Variants in ECH1 observed in about 807,000 individuals in gnomAD.
The protein encoded by ECH1 is delta(3,5)-Delta(2,4)-dienoyl-CoA isomerase, mitochondrial.
In ECH1, 30 loss-of-function variants were observed where a neutral mutation model predicts 37.0. That is an observed-to-expected ratio of 0.81 (90% CI 0.61 to 1.10). ECH1 has a LOEUF of 1.10. Among genes scored for constraint, ECH1 ranks in the 50% least tolerant of loss-of-function variants. ECH1 has a pLI of 0.00. For synonymous variants in ECH1, 178 were observed against 176.0 expected, an observed-to-expected ratio of 1.01 and a Z score of -0.09; for missense variants, 456 against 441.6, an observed-to-expected ratio of 1.03 and a Z score of -0.29.
Position 38,815,468 on chromosome 19 carries a change from G to T in ECH1, c.*145C>A. The T allele has an allele frequency of 1.3e-6, 1 of 744,688 alleles. No individual in the cohort carries two copies. The highest frequency in any genetic ancestry group is 2.2e-6 in the Non-Finnish European group (1 of 451,218). 46.1% of individuals were successfully genotyped at this position (744,688 alleles called of 1,614,324 possible). A position where few individuals can be genotyped will look rare whatever the true frequency, so the allele number is the denominator to read the frequency against. Reference sequence around the variant, plus strand: ...TTGTGGGGTGAAGATAAGGCCTTGGGCTTGAGAAACTCATTGTCATAAAGT... The same window carrying T: ...TTGTGGGGTGAAGATAAGGCCTTGGTCTTGAGAAACTCATTGTCATAAAGT... On this transcript the variant is annotated 3_prime_UTR_variant, in exon 10 of 10. Coordinates refer to ENST00000221418, the MANE Select transcript of ECH1 (RefSeq NM_001398.3).
intron 3 of ECH1, among the ~76,000 whole-genome samples, chr19:38,821,632 G>A (rs902252906): frequency 6.6e-6 from 1 of 152,244 alleles, no homozygotes; most frequent in Non-Finnish European, 1.5e-5. Flanking sequence ...GAGGGGCTTA[G>A]CACCTGGGCC....
chr19:38,816,248 GC>G, intron 8 of ECH1, 35 bp downstream of exon 8: 1 of 1,608,876 alleles, frequency 6.2e-7, no homozygotes. Context: ...AGGCCTGGCT[GC>G]CCCCAGCACT....
In ECH1 at chr19:38,831,727, T is replaced by A; in HGVS notation, c.46A>T (p.Thr16Ser). ...AAGGCAAGAGGTGACTCACGCCGGGTCAGTAGGTCGCGGAGTCTGCGAGAA... is the reference window on the plus strand; with the variant it reads ...AAGGCAAGAGGTGACTCACGCCGGGACAGTAGGTCGCGGAGTCTGCGAGAA... ...VASRRLRDLL[T>S]RRLTGSNYPG... The change falls in exon 1 of 10, where the codon ACC (threonine) becomes TCC (serine). Residue 16 changes from threonine (T) to serine (S), a missense_variant. Transcript: ENST00000221418. 2 of 1,613,564 alleles carry A rather than the reference T, an allele frequency of 1.2e-6. No homozygotes were observed. Among genetic ancestry groups the A allele is most frequent in the South Asian group, 1.1e-5 (1 of 90,996 alleles).
In ECH1 at chr19:38,816,533, G is replaced by A. The variant is rs762062881; in HGVS notation, c.589-10C>T. ...AACCCACGTCCACCTCCTGGGGGAG[G>A]AATCGGGTCAGTGTTTGGTTTCTGC... On this transcript the variant is annotated splice_polypyrimidine_tract_variant and intron_variant, in intron 6 of 9. Transcript: ENST00000221418. 9 of 1,613,950 alleles carry A rather than the reference G, an allele frequency of 5.6e-6. No homozygotes were observed. Among genetic ancestry groups the A allele is most frequent in the Non-Finnish European group, 7.6e-6 (9 of 1,179,980 alleles).
intron 3 of ECH1, chr19:38,819,283 C>T (rs1329871273): frequency 1.1e-6 from 1 of 924,882 alleles, no homozygotes; most frequent in East Asian, 1.2e-4. Context: ...TTTGGGCTGA[C>T]AACCATCCCT....
chr19:38,819,292 C>T (rs1383588800), intron 3 of ECH1: 1 of 893,364 alleles, frequency 1.1e-6, no homozygotes, highest in East Asian at 1.2e-4. Context: ...ACAACCATCC[C>T]TCCCTCTTCA....
At chr19:38,821,217 G>C (rs944033477) in intron 3 of ECH1, among the ~76,000 whole-genome samples, 2 of 152,152 alleles carry the variant, frequency 1.3e-5, no homozygotes, top group African/African-American at 4.8e-5. Context: ...GGGCTGAGGT[G>C]GGAGGGGTTG....
chr19:38,829,285 CAAAAAAAAAA>C lies in ECH1; in HGVS notation c.349+1783_349+1792del, dbSNP rs35813067. Among the ~76,000 whole-genome samples the C allele has an allele frequency of 1.7e-4, 11 of 64,246 alleles. No individual in the cohort carries two copies. In the South Asian group the frequency reaches 6.2e-3, roughly 36 times the overall value. The allele number at this position is 64,246 out of a possible 152,430, so 42.1% of individuals were successfully genotyped here. ...GGTCAACAGAGTGAGACTCCTTCTC[CAAAAAAAAAA>C]AAAAAAAAAAAAAAAATTAGCTAGG... On this transcript the variant is annotated intron_variant, in intron 3 of 9. Coordinates refer to ENST00000221418, the MANE Select transcript of ECH1 (RefSeq NM_001398.3).
chr19:38,818,901 C>G (rs150296697), intron 3 of ECH1, among the ~76,000 whole-genome samples: 10 of 133,598 alleles, frequency 7.5e-5, no homozygotes, highest in South Asian at 2.6e-4. Context: ...GCCTCCAACT[C>G]TGTGTGTGTG....
At chr19:38,819,057 G>C in intron 3 of ECH1, 1 of 963,836 alleles carries the variant, frequency 1.0e-6, no homozygotes, top group African/African-American at 1.8e-5. Context: ...GGTCAGCTAT[G>C]ATCGCACCAC....
chr19:38,817,648 C>T lies in ECH1; in HGVS notation c.350-73G>A, dbSNP rs976159836. ...CATTGACTCAACCAGGGATCAGAAC[C>T]CAGGCACAGCAGGTTCGAACCCCCA... On this transcript the variant is annotated intron_variant, in intron 3 of 9. Coordinates refer to ENST00000221418, the MANE Select transcript of ECH1 (RefSeq NM_001398.3). 8 of 1,498,036 alleles carry T rather than the reference C, an allele frequency of 5.3e-6. No individual in the cohort carries two copies. The South Asian group carries it at 5.5e-5, about 10-fold the overall frequency. The allele number at this position is 1,498,036 out of a possible 1,614,324, so 92.8% of individuals were successfully genotyped here.
intron 3 of ECH1, among the ~76,000 whole-genome samples, chr19:38,821,738 C>A (rs982190021): frequency 6.6e-6 from 1 of 152,214 alleles, no homozygotes; most frequent in Non-Finnish European, 1.5e-5. Flanking sequence ...CCCTGTGGGG[C>A]AGGGCTTGGG....
Position 38,816,341 on chromosome 19 carries a change from A to G in ECH1, c.674T>C (p.Leu225Pro). Residue 225 changes from leucine to proline, a missense_variant, in exon 8 of 10, where the codon CTG (leucine) becomes CCG (proline). Transcript: ENST00000221418. Reference protein sequence around the residue: ...VIGNQSLVNELAFTARKMMAD... With the variant: ...VIGNQSLVNEPAFTARKMMAD... ...CATCATCTTGCGGGCGGTGAAGGCC[A>G]GCTCGTTGACCAGGCTGCAAAGGCA... The G allele has an allele frequency of 6.2e-7, 1 of 1,613,908 alleles. No homozygotes were observed. The highest frequency in any genetic ancestry group is 8.5e-7 in the Non-Finnish European group (1 of 1,180,004).
Position 38,831,416 on chromosome 19 carries a change from T to G in ECH1, c.153A>C (p.Pro51=), listed in dbSNP as rs149384635. 1 of 1,614,036 alleles carries G rather than the reference T, an allele frequency of 6.2e-7. No individual in the cohort carries two copies. The highest frequency in any genetic ancestry group is 8.5e-7 in the Non-Finnish European group (1 of 1,180,016). Residue 51 remains proline (P), a synonymous_variant, in exon 2 of 10, where the codon CCA becomes CCC. Coordinates refer to ENST00000221418, the MANE Select transcript of ECH1 (RefSeq NM_001398.3). ...CACGAAGGGACTCATAGCTGTGGTC[T>G]GGGGCTTCACCGAGGGCTACTCCGG... is the stretch of plus-strand genomic sequence containing the variant. ...EASGVALGEA[P]DHSYESLRVT...
chr19:38,817,375 A>T lies in ECH1; in HGVS notation c.475-11T>A, dbSNP rs778324690. On this transcript the variant is annotated splice_polypyrimidine_tract_variant and intron_variant, in intron 4 of 9. Coordinates refer to ENST00000221418, the MANE Select transcript of ECH1 (RefSeq NM_001398.3). ...CACGGGCTTGGGGCACTGAGAGGGA[A>T]CAGGAAGAGTGGGGTCAGGGCTGGC... is the stretch of plus-strand genomic sequence containing the variant. 2 of 1,600,024 alleles carry T rather than the reference A, an allele frequency of 1.2e-6. No individual in the cohort carries two copies. The highest frequency in any genetic ancestry group is 8.5e-7 in the Non-Finnish European group (1 of 1,173,400).
At position 38,831,115 on chromosome 19, in the gene ECH1, C is replaced by G. The variant is rs761353419; in HGVS notation, c.312G>C (p.Ala104=). 3.7e-6 allele frequency: 6 copies of G among 1,614,012 alleles called. No homozygotes were observed. The highest frequency in any genetic ancestry group is 1.7e-5 in the Admixed American group (1 of 60,012). Residue 104 remains alanine (A), a synonymous_variant, in exon 3 of 10, where the codon GCG becomes GCC. Transcript: ENST00000221418. The stretch of plus-strand genomic sequence containing the variant: ...TTTTTCCTGCACCAGAGATCACCAC[C>G]GCCCGACAGTCAGCGTCTCTCGAAA... The part of the protein sequence containing the change: ...NKISRDADCR[A]VVISGAGKMF...
intron 3 of ECH1, chr19:38,818,260 A>G: frequency 1.0e-6 from 1 of 985,446 alleles, no homozygotes; most frequent in South Asian, 4.7e-5. Flanking sequence ...CAGCGTGAGC[A>G]ATGCAGTCAA....
At chr19:38,829,032 C>T (rs1440908471) in intron 3 of ECH1, among the ~76,000 whole-genome samples, 1 of 151,508 alleles carries the variant, frequency 6.6e-6, no homozygotes, top group East Asian at 2.0e-4. Context: ...CGCCTGTAAT[C>T]CCAGCACTTT....
chr19:38,826,964 A>G (rs991438219), intron 3 of ECH1, among the ~76,000 whole-genome samples: 24 of 151,784 alleles, frequency 1.6e-4, no homozygotes, highest in Admixed American at 4.6e-4. Flanking sequence ...TGCCTACAGC[A>G]GGTCAAATAT....
Sources: allele counts gnomAD v4.1 joint callset (sites outside exome capture counted in the v4.1 genomes callset), GRCh38; gene constraint gnomAD v4.1.1; transcripts MANE v1.5; gene names NCBI Gene and HGNC (gene_info 2026-07-23, HGNC 2026-07-21).